The following PTPRN2 variants were observed in gnomAD, a reference collection of about 807,000 sequenced individuals.
The protein encoded by PTPRN2 is receptor-type tyrosine-protein phosphatase N2.
Under a neutral mutation model 118.8 loss-of-function variants are expected in PTPRN2, and 74 were observed. That is an observed-to-expected ratio of 0.62 (90% CI 0.52 to 0.76). The LOEUF is 0.76. Among genes scored for constraint, PTPRN2 ranks in the 30% least tolerant of loss-of-function variants. PTPRN2 has a pLI of 0.00. For missense variants in PTPRN2, 1,481 were observed against 1,394.4 expected, an observed-to-expected ratio of 1.06 and a Z score of -0.99; for synonymous variants, 641 against 608.0, an observed-to-expected ratio of 1.05 and a Z score of -0.80.
intron 6 of PTPRN2, among the ~76,000 whole-genome samples, chr7:158,143,669 G>A (rs1031338221): frequency 1.4e-4 from 21 of 152,318 alleles, no homozygotes; most frequent in African/African-American, 3.4e-4. Flanking sequence ...GGGGCAGGAG[G>A]GCCCCAGAGT....
In PTPRN2 at chr7:158,189,354, G is replaced by A. The variant is rs188042255; in HGVS notation, c.549+2973C>T. Among the ~76,000 whole-genome samples, 166 of 152,308 alleles carry A rather than the reference G, an allele frequency of 1.1e-3. 2 individuals carry two copies. The highest frequency in any genetic ancestry group is 3.8e-3 in the African/African-American group (159 of 41,574). ...GCTATTTAATAAAATAACTGAAACC[G>A]AAGGAGGAGCATGATGATGGGTTCA... On this transcript the variant is annotated intron_variant, in intron 5 of 22. Coordinates refer to ENST00000389418, the MANE Select transcript of PTPRN2 (RefSeq NM_002847.5).
intron 4 of PTPRN2, among the ~76,000 whole-genome samples, chr7:158,203,213 TG>T (rs1432838770): frequency 9.7e-6 from 1 of 102,588 alleles, no homozygotes; most frequent in Non-Finnish European, 1.8e-5. Flanking sequence ...GCCTAGGTGA[TG>T]AAGCAAGAGC....
intron 2 of PTPRN2, among the ~76,000 whole-genome samples, chr7:158,483,317 G>C (rs1175159255): frequency 6.6e-6 from 1 of 152,132 alleles, no homozygotes; most frequent in Non-Finnish European, 1.5e-5. Context: ...GGGCTATGGG[G>C]GTGTCTCTTG....
At chr7:157,571,367 C>G (rs1356282969) in intron 20 of PTPRN2, 73 bp downstream of exon 20, 4 of 1,180,118 alleles carry the variant, frequency 3.4e-6, no homozygotes, top group Admixed American at 2.2e-5. Context: ...GAAAGTTAAG[C>G]TTCTGTATTT....
intron 17 of PTPRN2, among the ~76,000 whole-genome samples, chr7:157,589,423 C>T (rs1436378628): frequency 3.9e-5 from 6 of 152,218 alleles, no homozygotes; most frequent in East Asian, 1.9e-4. Flanking sequence ...AGGTGGGAGG[C>T]GTCTTTGCAG....
chr7:158,070,422 TGGTGCTCGTGGTGGTGGA>T (rs1811164503), intron 11 of PTPRN2, among the ~76,000 whole-genome samples: 2 of 96,636 alleles, frequency 2.1e-5, no homozygotes, highest in Non-Finnish European at 3.9e-5. Context: ...CTCGTGGTGG[TGGTGCTCGTGGTGGTGGA>T]GGTGCCCGTG....
chr7:158,333,935 A>G (rs1365022157), intron 2 of PTPRN2, among the ~76,000 whole-genome samples: 1 of 82,820 alleles, frequency 1.2e-5, no homozygotes, highest in Admixed American at 1.2e-4. Context: ...TCTCACCATA[A>G]GAGCTGTCGC....
At chr7:158,033,446 G>C (rs1243039037) in intron 11 of PTPRN2, among the ~76,000 whole-genome samples, 1 of 152,188 alleles carries the variant, frequency 6.6e-6, no homozygotes, top group African/African-American at 2.4e-5. Flanking sequence ...GGTCATTTGT[G>C]GTGGGCCCCT....
At chr7:158,035,744 CT>C (rs2128885603) in intron 11 of PTPRN2, among the ~76,000 whole-genome samples, 1 of 152,340 alleles carries the variant, frequency 6.6e-6, no homozygotes, top group African/African-American at 2.4e-5. Context: ...ACTCATATAT[CT>C]AACATAACAC....
chr7:157,581,466 TCA>T (rs1800380161), intron 17 of PTPRN2, among the ~76,000 whole-genome samples: 1 of 152,222 alleles, frequency 6.6e-6, no homozygotes, highest in East Asian at 1.9e-4. Flanking sequence ...CCAGTGGTTC[TCA>T]GAGACCACCA....
chr7:158,443,995 G>A (rs1817558126), intron 2 of PTPRN2, among the ~76,000 whole-genome samples: 1 of 152,214 alleles, frequency 6.6e-6, no homozygotes, highest in Admixed American at 6.5e-5. Context: ...GTCTCTGGGT[G>A]TCATTCCAGC....
Position 157,881,344 on chromosome 7 carries a change from A to AG in PTPRN2, c.1788+17328_1788+17329insC, listed in dbSNP as rs56407247. Among the ~76,000 whole-genome samples, 2 of 151,324 alleles carry AG rather than the reference A, an allele frequency of 1.3e-5. No homozygotes were observed. Among genetic ancestry groups the AG allele is most frequent in the Admixed American group, 6.6e-5 (1 of 15,202 alleles). ...CCCATGTGACTGGCATCCTTGTAGGAAGGAGATGCAGACACAGGTGCACAC... is the reference window on the plus strand; with the variant it reads ...CCCATGTGACTGGCATCCTTGTAGGAGAGGAGATGCAGACACAGGTGCACAC... On this transcript the variant is annotated intron_variant, in intron 12 of 22. Coordinates refer to ENST00000389418, the MANE Select transcript of PTPRN2 (RefSeq NM_002847.5). The surrounding 1 kb of genome is among the most constrained non-coding windows in gnomAD (Gnocchi z 4.7).
chr7:158,312,210 A>T (rs1801841967), intron 3 of PTPRN2, among the ~76,000 whole-genome samples: 1 of 150,056 alleles, frequency 6.7e-6, no homozygotes, highest in Non-Finnish European at 1.5e-5. Context: ...ACATGCACAC[A>T]CACGTGCTCA....
chr7:157,740,270 G>A (rs1354586903), intron 12 of PTPRN2: 1 of 152,230 alleles, frequency 6.6e-6, no homozygotes, highest in Non-Finnish European at 1.5e-5. Flanking sequence ...GTTCCTGTAG[G>A]GCACAGAACA....
chr7:158,071,690 G>T (rs1811781298), intron 11 of PTPRN2, among the ~76,000 whole-genome samples: 1 of 135,146 alleles, frequency 7.4e-6, no homozygotes, highest in Non-Finnish European at 1.7e-5. Flanking sequence ...TCCTGGTGGA[G>T]GTGCTTGTGG....
At chr7:158,549,384 G>A (rs1826498118) in intron 1 of PTPRN2, among the ~76,000 whole-genome samples, 1 of 152,196 alleles carries the variant, frequency 6.6e-6, no homozygotes. Context: ...GGCGGATTCT[G>A]GCAGACACCG....
At chr7:158,461,357 G>A (rs552354355) in intron 2 of PTPRN2, among the ~76,000 whole-genome samples, 6 of 152,194 alleles carry the variant, frequency 3.9e-5, no homozygotes, top group East Asian at 1.9e-4. Flanking sequence ...TTAACCGGGC[G>A]TGGTGGCAGG....
intron 12 of PTPRN2, among the ~76,000 whole-genome samples, chr7:157,806,285 T>C (rs1805626518): frequency 6.6e-6 from 1 of 152,214 alleles, no homozygotes; most frequent in Admixed American, 6.5e-5. Context: ...CAAAAAGTTT[T>C]CGATTTGGGG....
chr7:158,108,600 G>A lies in PTPRN2; in HGVS notation c.1643+2229C>T, dbSNP rs541462822. Among the ~76,000 whole-genome samples, 66 of 152,282 alleles carry A rather than the reference G, an allele frequency of 4.3e-4. 1 individual carries two copies. In the South Asian group the frequency reaches 0.013, roughly 29 times the overall value. On this transcript the variant is annotated intron_variant, in intron 10 of 22. Coordinates refer to ENST00000389418, the MANE Select transcript of PTPRN2 (RefSeq NM_002847.5). ...TTGCATATGTCTGTACCCTAGGAAC[G>A]GTGTGGGCCACAGTGAGCAGTGTGG...
Sources: allele counts gnomAD v4.1 joint callset (sites outside exome capture counted in the v4.1 genomes callset), GRCh38; gene constraint gnomAD v4.1.1; non-coding constraint Gnocchi (gnomAD v3.1); transcripts MANE v1.5; gene names NCBI Gene and HGNC (gene_info 2026-07-23, HGNC 2026-07-21).